TFR2: variants seen among roughly 807,000 people sequenced by gnomAD.
TFR2 encodes the protein transferrin receptor protein 2.
TFR2 carries 64 observed loss-of-function variants against 91.9 expected under a neutral mutation model. The ratio of observed to expected loss-of-function variants is 0.70; its 90% CI spans 0.57 to 0.86. TFR2 has a LOEUF of 0.86. Among genes scored for constraint, TFR2 ranks in the 40% least tolerant of loss-of-function variants. The probability of loss-of-function intolerance (pLI) is 0.00; values close to 1 mark genes in which losing one functional copy is unlikely to be tolerated. For missense variants in TFR2, 950 were observed against 1,080.5 expected (o/e 0.88, Z 1.69); for synonymous variants, 454 against 459.6 (o/e 0.99, Z 0.15).
Position 100,632,106 on chromosome 7 carries a change from G to A in TFR2, c.942C>T (p.Ser314=). ...CATGTCCATACACTGCCTGCTGGCT[G>A]GACAGGCTTGGCTTGGGTGGGTCCT... ...FSQDPPKPSL[S]SQQAVYGHVH... Residue 314 remains serine (S), a synonymous_variant, in exon 7 of 18, where the codon TCC becomes TCT. Coordinates refer to ENST00000223051, the MANE Select transcript of TFR2 (RefSeq NM_003227.4). The A allele has an allele frequency of 2.5e-6, 4 of 1,614,176 alleles. No individual in the cohort carries two copies. The highest frequency in any genetic ancestry group is 3.4e-6 in the Non-Finnish European group (4 of 1,180,030).
rs1432621218 is a variant in TFR2 at position 100,632,210 on chromosome 7, G to A, written c.850-12C>T. 31 of 1,611,976 alleles carry A rather than the reference G, an allele frequency of 1.9e-5. No homozygotes were observed. Among genetic ancestry groups the A allele is most frequent in the Non-Finnish European group, 2.4e-5 (28 of 1,178,254 alleles). On this transcript the variant is annotated splice_polypyrimidine_tract_variant and intron_variant, in intron 6 of 17. Coordinates refer to ENST00000223051, the MANE Select transcript of TFR2 (RefSeq NM_003227.4). Reference sequence around the variant, plus strand: ...TGAGCATTGGTCACCTGGGGAGGAAGGTGACTAGAGGACTCCTCCCAGAAA... The same window carrying A: ...TGAGCATTGGTCACCTGGGGAGGAAAGTGACTAGAGGACTCCTCCCAGAAA...
chr7:100,640,717 G>A lies in TFR2; in HGVS notation c.442C>T (p.Leu148=). ...GTGTCCTCCAGGCGCCCCTCCCCCAGGAACTGCAGGAACATGGCCTGGAGG... is the reference window on the plus strand; with the variant it reads ...GTGTCCTCCAGGCGCCCCTCCCCCAAGAACTGCAGGAACATGGCCTGGAGG... ...SDLQAMFLQF[L]GEGRLEDTIR... Residue 148 remains leucine (L), a synonymous_variant, in exon 3 of 18, where the codon CTG becomes TTG. Coordinates refer to ENST00000223051, the MANE Select transcript of TFR2 (RefSeq NM_003227.4). 6.2e-7 allele frequency: 1 copy of A among 1,613,670 alleles called. No homozygotes were observed. Among genetic ancestry groups the A allele is most frequent in the Non-Finnish European group, 8.5e-7 (1 of 1,179,886 alleles).
At position 100,640,679 on chromosome 7, in the gene TFR2, T is replaced by C; in HGVS notation, c.473+7A>G. On this transcript the variant is annotated splice_region_variant and intron_variant, in intron 3 of 17. Coordinates refer to ENST00000223051, the MANE Select transcript of TFR2 (RefSeq NM_003227.4). ...TCGAGAACAGGATGGGGCAGGGCCA[T>C]CCCTACCTGATGGTGTCCTCCAGGC... 2 of 1,611,560 alleles carry C rather than the reference T, an allele frequency of 1.2e-6. No individual in the cohort carries two copies. Among genetic ancestry groups the C allele is most frequent in the Non-Finnish European group, 1.7e-6 (2 of 1,179,648 alleles).
Position 100,632,191 on chromosome 7 carries a change from T to C in TFR2, c.857A>G (p.Asn286Ser), listed in dbSNP as rs371764062. ...GVISFAQKVT[N>S]AQDFGAQGVL... ...TCCTTGAGCCCCGAAGTCCTGAGCATTGGTCACCTGGGGAGGAAGGTGACT... is the reference window on the plus strand; with the variant it reads ...TCCTTGAGCCCCGAAGTCCTGAGCACTGGTCACCTGGGGAGGAAGGTGACT... Residue 286 changes from asparagine to serine, a missense_variant, in exon 7 of 18, where the codon AAT (asparagine) becomes AGT (serine). Asn to Ser is a conservative substitution (Grantham distance 46, BLOSUM62 1). Transcript: ENST00000223051. The C allele has an allele frequency of 1.9e-6, 3 of 1,613,840 alleles. No homozygotes were observed. The highest frequency in any genetic ancestry group is 2.7e-5 in the African/African-American group (2 of 74,860).
At chr7:100,632,385 C>T (rs1243780140) in intron 6 of TFR2, among the ~76,000 whole-genome samples, 187 bp from the exon 7 acceptor site, 1 of 152,092 alleles carries the variant, frequency 6.6e-6, no homozygotes, top group Non-Finnish European at 1.5e-5. Context: ...CCCCACCGGG[C>T]TCCAGGGTAC....
At position 100,630,748 on chromosome 7, in the gene TFR2, C is replaced by T. The variant is rs1803408344; in HGVS notation, c.1270+141G>A. On this transcript the variant is annotated intron_variant, in intron 9 of 17. Coordinates refer to ENST00000223051, the MANE Select transcript of TFR2 (RefSeq NM_003227.4). ...ACCATCAGACCCAGTTCAGCCTCAA[C>T]TTGCCAGCTTCCCTCCTCTGGGCAC... is the stretch of plus-strand genomic sequence containing the variant. The T allele has an allele frequency of 2.5e-6, 3 of 1,208,906 alleles. No homozygotes were observed. In the South Asian group the frequency reaches 4.1e-5, roughly 17 times the overall value. 74.9% of individuals were successfully genotyped at this position (1,208,906 alleles called of 1,614,324 possible). A position where few individuals can be genotyped will look rare whatever the true frequency, so the allele number is the denominator to read the frequency against.
intron 9 of TFR2, 51 bp downstream of exon 9, chr7:100,630,838 A>G (rs997797701): frequency 2.5e-5 from 40 of 1,610,098 alleles, no homozygotes; most frequent in Non-Finnish European, 3.1e-5. Context: ...TATGGGCAGA[A>G]ATTCCCCCAG....
chr7:100,620,812 A>T lies in TFR2; in HGVS notation c.*45T>A, dbSNP rs1205883184. On this transcript the variant is annotated 3_prime_UTR_variant, in exon 18 of 18. Transcript: ENST00000223051. ...CCTGAATCATTCAAGCGAGGAGCAGAGGAGCTCTTGACTGGGGGACGGGGA... is the reference window on the plus strand; with the variant it reads ...CCTGAATCATTCAAGCGAGGAGCAGTGGAGCTCTTGACTGGGGGACGGGGA... 1.2e-6 allele frequency: 2 copies of T among 1,612,490 alleles called. No homozygotes were observed. The highest frequency in any genetic ancestry group is 1.7e-6 in the Non-Finnish European group (2 of 1,179,050).
chr7:100,636,221 G>A (rs1803569475), intron 3 of TFR2, among the ~76,000 whole-genome samples: 1 of 135,702 alleles, frequency 7.4e-6, no homozygotes, highest in African/African-American at 2.8e-5. Context: ...TGTTTCACAG[G>A]CTGGAGTGCA....
At chr7:100,630,414 G>A (rs961704895) in intron 9 of TFR2, among the ~76,000 whole-genome samples, 3 of 151,928 alleles carry the variant, frequency 2.0e-5, no homozygotes, top group African/African-American at 4.8e-5. Context: ...CCGAGCCTCC[G>A]GAATAGCTGG....
rs760427749 is a variant in TFR2 at position 100,621,021 on chromosome 7, G to T, written c.2242C>A (p.Leu748Met). Residue 748 changes from leucine to methionine, a missense_variant, in exon 18 of 18, where the codon CTG becomes ATG. Coordinates refer to ENST00000223051, the MANE Select transcript of TFR2 (RefSeq NM_003227.4). Reference protein sequence around the residue: ...DHTLGALLDHLRLLRSNSSGT... With the variant: ...DHTLGALLDHMRLLRSNSSGT... ...GAGCTGTTGGAGCGCAGCAGCCGCA[G>T]GTGGTCCAGCAGGGCGCCCAGCGTG... The T allele has an allele frequency of 5.6e-6, 9 of 1,600,558 alleles. No individual in the cohort carries two copies. The highest frequency in any genetic ancestry group is 7.7e-6 in the Non-Finnish European group (9 of 1,173,970).
rs544210374 is a variant in TFR2, at chr7:100,627,467, G to T, written c.1792C>A (p.His598Asn). ...MEDDQAYPFL[H>N]TKEDTYENLH... ...TTCTCATAAGTGTCCTCCTTTGTGT[G>T]CAGGAATGGGTAGGCCTGGTCGTCC... is the stretch of plus-strand genomic sequence containing the variant. Residue 598 changes from histidine to asparagine, a missense_variant, in exon 16 of 18, where the codon CAC becomes AAC. Transcript: ENST00000223051. 2.5e-6 allele frequency: 4 copies of T among 1,606,838 alleles called. No homozygotes were observed. The South Asian group carries it at 4.4e-5, about 18-fold the overall frequency.
In TFR2 at chr7:100,630,878, A is replaced by C. The variant is rs777383473; in HGVS notation, c.1270+11T>G. Reference sequence around the variant, plus strand: ...CCACCAGCTGTGAGTGATACTGGACACACAGCATACCTGGCTCTGAGCGGC... The same window carrying C: ...CCACCAGCTGTGAGTGATACTGGACCCACAGCATACCTGGCTCTGAGCGGC... On this transcript the variant is annotated intron_variant, in intron 9 of 17. Coordinates refer to ENST00000223051, the MANE Select transcript of TFR2 (RefSeq NM_003227.4). 2.5e-6 allele frequency: 4 copies of C among 1,612,382 alleles called. No individual in the cohort carries two copies. The highest frequency in any genetic ancestry group is 2.5e-6 in the Non-Finnish European group (3 of 1,179,804).
At chr7:100,632,675 G>A in intron 6 of TFR2, 4 of 355,954 alleles carry the variant, frequency 1.1e-5, no homozygotes, top group Non-Finnish European at 1.6e-5. Context: ...GGAGCCTCCG[G>A]AGTAGCTGGG....
chr7:100,622,440 A>G (rs937619732), intron 17 of TFR2, among the ~76,000 whole-genome samples: 3 of 152,186 alleles, frequency 2.0e-5, no homozygotes, highest in Non-Finnish European at 2.9e-5. Context: ...GGCTTTCTGC[A>G]GGTGTCAAGC....
At chr7:100,626,688 G>T in intron 17 of TFR2, 75 bp downstream of exon 17, 1 of 1,526,680 alleles carries the variant, frequency 6.6e-7, no homozygotes, top group Non-Finnish European at 8.8e-7. Flanking sequence ...CGCGCAGACG[G>T]GGCCAGGTCC....
At chr7:100,626,960 C>T in intron 16 of TFR2, 57 bp from the exon 17 acceptor site, 1 of 1,511,256 alleles carries the variant, frequency 6.6e-7, no homozygotes, top group South Asian at 1.2e-5. Flanking sequence ...CCCCGCCTAG[C>T]ATGGGGACAA....
chr7:100,627,195 G>C (rs986685443), intron 16 of TFR2, 69 bp downstream of exon 16: 40 of 1,493,424 alleles, frequency 2.7e-5, no homozygotes, highest in Non-Finnish European at 3.6e-5. Flanking sequence ...AGAGAGAAGG[G>C]GCTGGACCCC....
intron 1 of TFR2, 112 bp downstream of exon 1, chr7:100,641,365 A>T: frequency 6.7e-7 from 1 of 1,487,404 alleles, no homozygotes; most frequent in Non-Finnish European, 9.2e-7. Context: ...CAGGGGTGGG[A>T]AGAAGCGAGG....
Sources: allele counts gnomAD v4.1 joint callset (sites outside exome capture counted in the v4.1 genomes callset), GRCh38; gene constraint gnomAD v4.1.1; transcripts MANE v1.5; gene names NCBI Gene and HGNC (gene_info 2026-07-23, HGNC 2026-07-21).